The following GRIK2 variants were observed in gnomAD, a reference collection of about 807,000 sequenced individuals.
GRIK2 encodes the protein glutamate receptor ionotropic, kainate 2.
GRIK2 carries 32 observed loss-of-function variants against 100.3 expected under a neutral mutation model. That is an observed-to-expected ratio of 0.32 (90% CI 0.24 to 0.43). The LOEUF (loss-of-function observed/expected upper bound fraction) is 0.43. Among genes scored for constraint, GRIK2 ranks in the 20% least tolerant of loss-of-function variants. The pLI is 1.00. For synonymous variants in GRIK2, 417 were observed against 389.4 expected (o/e 1.07, Z -0.83); for missense variants, 843 against 1,114.9 (o/e 0.76, Z 3.47).
At chr6:101,571,002 G>A (rs1777498723) in intron 2 of GRIK2, among the ~76,000 whole-genome samples, 1 of 152,064 alleles carries the variant, frequency 6.6e-6, no homozygotes, top group African/African-American at 2.4e-5. Context: ...TAATTGAAAG[G>A]ATAGTTCTTG....
At chr6:101,479,824 ATGTTTCTTTATCCTT>A (rs1772435064) in intron 2 of GRIK2, among the ~76,000 whole-genome samples, 1 of 152,128 alleles carries the variant, frequency 6.6e-6, no homozygotes, top group Admixed American at 6.5e-5. Context: ...GTCATTTTCA[ATGTTTCTTTATCCTT>A]TGAATTATTT....
At chr6:101,669,917 T>C (rs970556022) in intron 4 of GRIK2, among the ~76,000 whole-genome samples, 1 of 151,964 alleles carries the variant, frequency 6.6e-6, no homozygotes, top group Admixed American at 6.6e-5. Context: ...TATGGAAATA[T>C]GAGAAATAAT....
intron 13 of GRIK2, 130 bp downstream of exon 13, chr6:101,924,849 C>G (rs1328132147): frequency 1.6e-6 from 1 of 639,288 alleles, no homozygotes; most frequent in South Asian, 1.9e-5. Context: ...GCTTTTCCAT[C>G]GACCTAATGC....
At chr6:101,977,465 A>G (rs1793459957) in intron 14 of GRIK2, among the ~76,000 whole-genome samples, 1 of 151,918 alleles carries the variant, frequency 6.6e-6, no homozygotes, top group Non-Finnish European at 1.5e-5. Context: ...TTTGGTAGGA[A>G]ACTCATGACT....
At chr6:101,434,105 G>A (rs1055809448) in intron 2 of GRIK2, among the ~76,000 whole-genome samples, 2 of 152,204 alleles carry the variant, frequency 1.3e-5, no homozygotes, top group Non-Finnish European at 2.9e-5. Context: ...GGGTGTTTTA[G>A]ACACTAACGT....
At chr6:101,799,823 C>T (rs1344132791) in intron 8 of GRIK2, 32 bp downstream of exon 8, 1 of 1,564,332 alleles carries the variant, frequency 6.4e-7, no homozygotes, top group African/African-American at 1.4e-5. Context: ...TGCCTTGTCT[C>T]TTTTGTTGTC....
At position 101,571,385 on chromosome 6, in the gene GRIK2, G is replaced by A. The variant is rs1777523637; in HGVS notation, c.116-50564G>A. On this transcript the variant is annotated intron_variant, in intron 2 of 16. Transcript: ENST00000369134. ...AAAAAAGATTGGTCATTTTCTTAGT[G>A]CCATGTTTTCAATTCACATTTATTT... 2.0e-5 allele frequency among the ~76,000 whole-genome samples: 3 copies of A among 151,980 alleles called. No individual in the cohort carries two copies. In the South Asian group the frequency reaches 6.2e-4, roughly 32 times the overall value.
At chr6:101,462,769 C>T (rs187055575) in intron 2 of GRIK2, among the ~76,000 whole-genome samples, 3 of 152,204 alleles carry the variant, frequency 2.0e-5, no homozygotes, top group Admixed American at 2.0e-4. Flanking sequence ...AACATTCAGC[C>T]CTGATTGCTC....
intron 12 of GRIK2, among the ~76,000 whole-genome samples, chr6:101,909,297 A>C (rs951998437): frequency 6.7e-6 from 1 of 150,282 alleles, no homozygotes; most frequent in Non-Finnish European, 1.5e-5. Context: ...TAGGAACAGG[A>C]AGGAATAATT....
chr6:101,786,780 T>C (rs1392878173), intron 7 of GRIK2, among the ~76,000 whole-genome samples: 1 of 152,092 alleles, frequency 6.6e-6, no homozygotes, highest in Non-Finnish European at 1.5e-5. Flanking sequence ...TCACCAGTTG[T>C]TGTTGCTGTT....
chr6:101,523,720 C>T (rs1156281102), intron 2 of GRIK2, among the ~76,000 whole-genome samples: 37 of 121,528 alleles, frequency 3.0e-4, no homozygotes, highest in South Asian at 5.7e-4. Context: ...ACTCCTAAGT[C>T]TTTTTTTTTT....
chr6:101,623,679 G>A (rs1055202481), intron 3 of GRIK2, among the ~76,000 whole-genome samples: 1 of 152,136 alleles, frequency 6.6e-6, no homozygotes, highest in Admixed American at 6.6e-5. Context: ...AATTGATAAA[G>A]TCATGTGGTT....
intron 2 of GRIK2, among the ~76,000 whole-genome samples, chr6:101,529,771 T>A (rs1295188075): frequency 6.6e-6 from 1 of 152,102 alleles, no homozygotes; most frequent in Non-Finnish European, 1.5e-5. Context: ...GACAAAGTCC[T>A]ATGGGAATTC....
chr6:101,911,597 G>A (rs761885110), intron 12 of GRIK2, among the ~76,000 whole-genome samples: 16 of 151,164 alleles, frequency 1.1e-4, no homozygotes, highest in Non-Finnish European at 1.9e-4. Flanking sequence ...TAACATTGCC[G>A]TTCCTTTACC....
intron 12 of GRIK2, among the ~76,000 whole-genome samples, chr6:101,898,093 A>T (rs547315560): frequency 6.6e-6 from 1 of 151,926 alleles, no homozygotes; most frequent in African/African-American, 2.4e-5. Context: ...ACCTTTTTTT[A>T]AAATTAGTAA....
chr6:101,949,622 T>C (rs1680826436), intron 14 of GRIK2, among the ~76,000 whole-genome samples: 1 of 152,116 alleles, frequency 6.6e-6, no homozygotes, highest in Admixed American at 6.6e-5. Flanking sequence ...GGTTTTCTGT[T>C]CCTGTGTTTG....
chr6:101,505,698 A>C (rs917325173), intron 2 of GRIK2, among the ~76,000 whole-genome samples: 4 of 151,954 alleles, frequency 2.6e-5, no homozygotes, highest in African/African-American at 9.7e-5. Flanking sequence ...ATGATTGTCA[A>C]AACACTTCTC....
At chr6:101,680,029 C>G (rs372655129) in intron 5 of GRIK2, among the ~76,000 whole-genome samples, 1 of 152,118 alleles carries the variant, frequency 6.6e-6, no homozygotes, top group Non-Finnish European at 1.5e-5. Context: ...TGAGCCACCG[C>G]GCCTGGCCTC....
intron 7 of GRIK2, among the ~76,000 whole-genome samples, chr6:101,737,910 T>G (rs971993050): frequency 6.6e-6 from 1 of 152,138 alleles, no homozygotes; most frequent in Admixed American, 6.5e-5. Context: ...TCAGGAAACA[T>G]TTTCAATGTC....
Sources: allele counts gnomAD v4.1 joint callset (sites outside exome capture counted in the v4.1 genomes callset), GRCh38; gene constraint gnomAD v4.1.1; transcripts MANE v1.5; gene names NCBI Gene and HGNC (gene_info 2026-07-23, HGNC 2026-07-21).